Variants in MACC1 observed in about 807,000 individuals in gnomAD.
The protein encoded by MACC1 is metastasis-associated in colon cancer protein 1.
Under a neutral mutation model 70.7 loss-of-function variants are expected in MACC1, and 79 were observed. The ratio of observed to expected loss-of-function variants is 1.12; its 90% CI spans 0.93 to 1.35. MACC1 has a LOEUF of 1.35. Ranked by LOEUF, MACC1 falls within the 40% of genes most tolerant of loss-of-function variation. The pLI, the probability that MACC1 is intolerant of heterozygous loss-of-function variation, is 0.00. For synonymous variants in MACC1, 361 were observed against 347.2 expected, an observed-to-expected ratio of 1.04 and a Z score of -0.44; for missense variants, 1,106 against 978.1, an observed-to-expected ratio of 1.13 and a Z score of -1.74.
At chr7:20,155,205 A>G (rs1429257624) in intron 5 of MACC1, among the ~76,000 whole-genome samples, 1 of 152,130 alleles carries the variant, frequency 6.6e-6, no homozygotes, top group African/African-American at 2.4e-5. Context: ...AAATGAGCAA[A>G]TAGAGTAGCT....
intron 6 of MACC1, among the ~76,000 whole-genome samples, chr7:20,153,764 C>A (rs1782014634): frequency 6.6e-6 from 1 of 152,072 alleles, no homozygotes; most frequent in African/African-American, 2.4e-5. Context: ...ACTTCTTGTC[C>A]CTGAGCATTA....
At position 20,135,500 on chromosome 7, in the gene MACC1, A is replaced by T. The variant is rs1781707604; in HGVS notation, c.*5446T>A. The T allele has an allele frequency of 6.6e-6, 1 of 152,208 alleles. No homozygotes were observed. The allele number at this position is 152,208 out of a possible 1,614,324, so 9.4% of individuals were successfully genotyped here. A position where few individuals can be genotyped will look rare whatever the true frequency, so the allele number is the denominator to read the frequency against. ...TTCTATAGAGATGAAGGAAATTTTAATACAGTGGTTCTCAAACTGGGGTCC... is the reference window on the plus strand; with the variant it reads ...TTCTATAGAGATGAAGGAAATTTTATTACAGTGGTTCTCAAACTGGGGTCC... On this transcript the variant is annotated 3_prime_UTR_variant, in exon 7 of 7. Transcript: ENST00000400331.
At chr7:20,200,046 C>CATACATAT (rs1782810034) in intron 1 of MACC1, among the ~76,000 whole-genome samples, 1 of 148,374 alleles carries the variant, frequency 6.7e-6, no homozygotes, top group Non-Finnish European at 1.5e-5. Flanking sequence ...TGTGTGTGTA[C>CATACATAT]ATATGTATGT....
intron 6 of MACC1, chr7:20,150,448 TACTTTGA>T (rs1171209117): frequency 1.3e-5 from 2 of 152,206 alleles, no homozygotes; most frequent in Admixed American, 6.5e-5. Context: ...TGGAACAAAG[TACTTTGA>T]ACTCTCCAGC....
chr7:20,207,152 T>C (rs1043617826), intron 1 of MACC1, among the ~76,000 whole-genome samples: 5 of 152,028 alleles, frequency 3.3e-5, no homozygotes, highest in African/African-American at 1.2e-4. Context: ...TCTTTTCTTT[T>C]TTTTTTTAGA....
rs570637999 is a variant in MACC1, at chr7:20,185,863, G to T, written c.-217-15085C>A. Among the ~76,000 whole-genome samples, 3 of 152,274 alleles carry T rather than the reference G, an allele frequency of 2.0e-5. No individual in the cohort carries two copies. The East Asian group carries it at 5.8e-4, about 29-fold the overall frequency. The stretch of plus-strand genomic sequence containing the variant: ...TTATTGTCTACATTTTGCAGTTGGG[G>T]AGACTGAGATACATAGAGATTAATT... On this transcript the variant is annotated intron_variant, in intron 1 of 6. Transcript: ENST00000400331.
At chr7:20,192,911 G>C (rs1157284797) in intron 1 of MACC1, among the ~76,000 whole-genome samples, 1 of 152,206 alleles carries the variant, frequency 6.6e-6, no homozygotes. Flanking sequence ...GAATGTCTTT[G>C]ACAATGTGAA....
intron 2 of MACC1, among the ~76,000 whole-genome samples, chr7:20,165,085 G>A (rs534681828): frequency 2.0e-5 from 3 of 152,042 alleles, no homozygotes; most frequent in African/African-American, 7.2e-5. Flanking sequence ...AGAAACAAAG[G>A]CACCAAAGGG....
chr7:20,175,185 C>CT (rs1162316151), intron 1 of MACC1, among the ~76,000 whole-genome samples: 1 of 151,966 alleles, frequency 6.6e-6, no homozygotes, highest in Non-Finnish European at 1.5e-5. Flanking sequence ...ATGGCTTTAA[C>CT]TTTTTTTGAT....
At chr7:20,167,694 C>T (rs748819898) in intron 2 of MACC1, among the ~76,000 whole-genome samples, 4 of 151,712 alleles carry the variant, frequency 2.6e-5, no homozygotes, top group Non-Finnish European at 4.4e-5. Flanking sequence ...TTTGAGACTA[C>T]ACCCTGACCC....
chr7:20,159,141 T>G lies in MACC1; in HGVS notation c.1220A>C (p.Lys407Thr). The G allele has an allele frequency of 6.2e-7, 1 of 1,613,972 alleles. No homozygotes were observed. The highest frequency in any genetic ancestry group is 2.2e-5 in the East Asian group (1 of 44,874). ...AACTGGAGATATGTTTTTTCCACCCTTCTTAATATCAGAAATTGTAAGCTG... is the reference window on the plus strand; with the variant it reads ...AACTGGAGATATGTTTTTTCCACCCGTCTTAATATCAGAAATTGTAAGCTG... ...PGQLTISDIKKGGKNISPVVF... is the reference protein window; with the variant it reads ...PGQLTISDIKTGGKNISPVVF... The change falls in exon 5 of 7, where the codon AAG becomes ACG. Residue 407 changes from lysine to threonine, a missense_variant. Lys to Thr is a moderately conservative substitution (Grantham distance 78). Coordinates refer to ENST00000400331, the MANE Select transcript of MACC1 (RefSeq NM_182762.4).
intron 5 of MACC1, among the ~76,000 whole-genome samples, chr7:20,154,915 C>T (rs1011898580): frequency 2.0e-5 from 3 of 151,926 alleles, no homozygotes; most frequent in Admixed American, 6.5e-5. Flanking sequence ...AAAAAAGAGA[C>T]ACTCCTTCAA....
At chr7:20,207,150 T>C (rs1302171968) in intron 1 of MACC1, among the ~76,000 whole-genome samples, 1 of 148,968 alleles carries the variant, frequency 6.7e-6, no homozygotes, top group Non-Finnish European at 1.5e-5. Context: ...TTTCTTTTCT[T>C]TTTTTTTTTA....
At chr7:20,215,569 T>C (rs1783057313) in intron 1 of MACC1, among the ~76,000 whole-genome samples, 1 of 152,242 alleles carries the variant, frequency 6.6e-6, no homozygotes. Flanking sequence ...TATTAATATA[T>C]GGCATATCAC....
chr7:20,211,499 C>G (rs1322950556), intron 1 of MACC1, among the ~76,000 whole-genome samples: 1 of 152,068 alleles, frequency 6.6e-6, no homozygotes, highest in African/African-American at 2.4e-5. Flanking sequence ...GATTTCAGAT[C>G]AAATTTTGCA....
At position 20,180,440 on chromosome 7, in the gene MACC1, T is replaced by TA. The variant is rs991776126; in HGVS notation, c.-217-9663dup. The stretch of plus-strand genomic sequence containing the variant: ...CCTTGCGACAAAGCAAGACTCCATC[T>TA]AAAAAAAAGGAAAAAAAAAAGAAAA... On this transcript the variant is annotated intron_variant, in intron 1 of 6. Transcript: ENST00000400331. Among the ~76,000 whole-genome samples the TA allele has an allele frequency of 1.7e-4, 23 of 134,958 alleles. 1 individual carries two copies. Among genetic ancestry groups the TA allele is most frequent in the African/African-American group, 6.4e-4 (23 of 36,022 alleles). The allele number at this position is 134,958 out of a possible 152,430, so 88.5% of individuals were successfully genotyped here.
At chr7:20,155,397 A>T (rs1164235003) in intron 5 of MACC1, among the ~76,000 whole-genome samples, 6 of 152,210 alleles carry the variant, frequency 3.9e-5, no homozygotes, top group Non-Finnish European at 7.3e-5. Context: ...GAGATTAACA[A>T]CAATAACTAG....
chr7:20,145,531 G>T (rs1781876934), intron 6 of MACC1, among the ~76,000 whole-genome samples: 1 of 151,740 alleles, frequency 6.6e-6, no homozygotes. Context: ...GAAAATAGAG[G>T]TATTTTAAAA....
intron 5 of MACC1, among the ~76,000 whole-genome samples, chr7:20,155,607 G>T (rs912930293): frequency 6.6e-6 from 1 of 152,116 alleles, no homozygotes; most frequent in African/African-American, 2.4e-5. Context: ...ATTATTTAAT[G>T]GCACTTTGGA....
Sources: allele counts gnomAD v4.1 joint callset (sites outside exome capture counted in the v4.1 genomes callset), GRCh38; gene constraint gnomAD v4.1.1; transcripts MANE v1.5; gene names NCBI Gene and HGNC (gene_info 2026-07-23, HGNC 2026-07-21).